DCDC2C: variants seen among roughly 807,000 people sequenced by gnomAD.
DCDC2C encodes doublecortin domain-containing protein 2C.
A neutral mutation model predicts 45.0 loss-of-function variants in DCDC2C; 44 were observed. The ratio of observed to expected loss-of-function variants is 0.98; its 90% confidence interval spans 0.77 to 1.26. DCDC2C has a LOEUF of 1.26. Among genes scored for constraint, DCDC2C ranks in the 50% most tolerant of loss-of-function variants. The probability of loss-of-function intolerance (pLI) is 0.00; values close to 1 mark genes in which losing one functional copy is unlikely to be tolerated. For synonymous variants in DCDC2C, 187 were observed against 178.8 expected (o/e 1.05, Z -0.37); for missense variants, 447 against 468.9 (o/e 0.95, Z 0.43).
In DCDC2C at chr2:3,788,927, G is replaced by A. The variant is rs376908509; in HGVS notation, c.1065+3827G>A. On this transcript the variant is annotated intron_variant, in intron 10 of 10. Transcript: ENST00000399143. ...TCTCCCTCTGTCACCTGCAAGCTCC[G>A]CCTCCCACGTTCAAAAGATCTCATG... is the stretch of plus-strand genomic sequence containing the variant. 6.3e-5 allele frequency among the ~76,000 whole-genome samples: 9 copies of A among 142,224 alleles called. No homozygotes were observed. In the South Asian group the frequency reaches 1.2e-3, roughly 19 times the overall value. The allele number at this position is 142,224 out of a possible 152,430, so 93.3% of individuals were successfully genotyped here. A position where few individuals can be genotyped will look rare whatever the true frequency, so the allele number is the denominator to read the frequency against.
At chr2:3,774,570 C>T (rs964811695) in intron 8 of DCDC2C, among the ~76,000 whole-genome samples, 4 of 152,114 alleles carry the variant, frequency 2.6e-5, no homozygotes, top group Non-Finnish European at 4.4e-5. Context: ...AGAGACTGCA[C>T]CGTTTAAACG....
intron 10 of DCDC2C, among the ~76,000 whole-genome samples, chr2:3,797,604 T>C (rs1670995640): frequency 6.8e-6 from 1 of 147,428 alleles, no homozygotes. Flanking sequence ...AACATCTTTA[T>C]TTCTGCCTTC....
chr2:3,798,946 G>C (rs1449369565), intron 10 of DCDC2C, among the ~76,000 whole-genome samples: 1 of 152,142 alleles, frequency 6.6e-6, no homozygotes, highest in Non-Finnish European at 1.5e-5. Context: ...AGTTCTCCTG[G>C]ATAATATCCT....
chr2:3,840,765 G>A (rs367755377), intron 10 of DCDC2C, among the ~76,000 whole-genome samples: 1 of 152,218 alleles, frequency 6.6e-6, no homozygotes, highest in South Asian at 2.1e-4. Flanking sequence ...TATGACCAGT[G>A]CTCACTCACG....
chr2:3,841,728 G>A (rs1034873739), intron 10 of DCDC2C, among the ~76,000 whole-genome samples: 3 of 151,340 alleles, frequency 2.0e-5, no homozygotes, highest in Admixed American at 6.6e-5. Context: ...CGGCGTGAGC[G>A]GCCGGGCAGG....
intron 2 of DCDC2C, 124 bp from the exon 3 acceptor site, chr2:3,726,879 G>A (rs1668704174): frequency 3.7e-6 from 3 of 806,872 alleles, no homozygotes; most frequent in South Asian, 3.4e-5. Context: ...GCCCCTGGGT[G>A]TTCTATTGAC....
At chr2:3,786,772 C>T (rs1670665850) in intron 10 of DCDC2C, among the ~76,000 whole-genome samples, 1 of 152,230 alleles carries the variant, frequency 6.6e-6, no homozygotes, top group African/African-American at 2.4e-5. Context: ...GCGCTAAATT[C>T]CTGTTTTAGC....
At chr2:3,760,044 T>C (rs1162943301) in intron 6 of DCDC2C, among the ~76,000 whole-genome samples, 2 of 152,184 alleles carry the variant, frequency 1.3e-5, no homozygotes, top group Non-Finnish European at 2.9e-5. Flanking sequence ...CTTCTGTGGG[T>C]CTCAGGGAAT....
intron 10 of DCDC2C, among the ~76,000 whole-genome samples, chr2:3,794,827 G>A (rs1414861720): frequency 2.6e-5 from 4 of 152,126 alleles, no homozygotes; most frequent in East Asian, 1.9e-4. Flanking sequence ...ATAAACATAC[G>A]TGTGCATGTG....
chr2:3,747,017 C>T (rs373790540), intron 4 of DCDC2C, among the ~76,000 whole-genome samples: 4 of 152,184 alleles, frequency 2.6e-5, no homozygotes, highest in African/African-American at 9.6e-5. Flanking sequence ...GTGAAACTTT[C>T]TGGAAAATGC....
intron 10 of DCDC2C, among the ~76,000 whole-genome samples, chr2:3,831,965 A>G (rs1306058423): frequency 6.6e-6 from 1 of 152,154 alleles, no homozygotes; most frequent in African/African-American, 2.4e-5. Flanking sequence ...TGAGTTCCCT[A>G]TGTCGGTTCT....
chr2:3,808,251 T>G (rs1039960260), intron 10 of DCDC2C, among the ~76,000 whole-genome samples: 1 of 152,244 alleles, frequency 6.6e-6, no homozygotes, highest in Non-Finnish European at 1.5e-5. Flanking sequence ...GTATTTCATT[T>G]GTGATTTTAC....
chr2:3,799,718 T>C (rs1671061827), intron 10 of DCDC2C, among the ~76,000 whole-genome samples: 1 of 152,274 alleles, frequency 6.6e-6, no homozygotes, highest in Admixed American at 6.5e-5. Context: ...GGAGGCAGTC[T>C]GCCCGTCCTC....
chr2:3,814,833 C>T (rs1437520273), intron 10 of DCDC2C, among the ~76,000 whole-genome samples: 2 of 152,284 alleles, frequency 1.3e-5, no homozygotes, highest in Non-Finnish European at 2.9e-5. Flanking sequence ...CAGACTGGCA[C>T]AGCCAGTGTG....
intron 10 of DCDC2C, among the ~76,000 whole-genome samples, chr2:3,787,922 A>G (rs1382928255): frequency 6.6e-6 from 1 of 152,214 alleles, no homozygotes; most frequent in African/African-American, 2.4e-5. Flanking sequence ...ATACTTCAGA[A>G]TATTGGTTTT....
intron 2 of DCDC2C, among the ~76,000 whole-genome samples, chr2:3,723,042 A>T (rs1472287839): frequency 6.6e-6 from 1 of 152,150 alleles, no homozygotes; most frequent in Admixed American, 6.5e-5. Flanking sequence ...GCAGGTGTGC[A>T]TTTCCACCTT....
intron 10 of DCDC2C, among the ~76,000 whole-genome samples, chr2:3,831,297 T>G (rs943509738): frequency 2.0e-5 from 3 of 152,220 alleles, no homozygotes; most frequent in Admixed American, 6.5e-5. Flanking sequence ...GAAATGCTCC[T>G]TTAGATGATT....
chr2:3,824,991 T>A (rs947284457), intron 10 of DCDC2C, among the ~76,000 whole-genome samples: 2 of 152,076 alleles, frequency 1.3e-5, no homozygotes, highest in Non-Finnish European at 2.9e-5. Flanking sequence ...CCACAGTGGG[T>A]CTTCATCAGT....
chr2:3,835,643 G>A (rs902286123), intron 10 of DCDC2C, among the ~76,000 whole-genome samples: 18 of 152,184 alleles, frequency 1.2e-4, no homozygotes, highest in Non-Finnish European at 2.4e-4. Context: ...TGAAACCATC[G>A]AGGTTTTAGT....
Sources: gnomAD v4.1 joint callset for allele counts (sites outside exome capture counted in the v4.1 genomes callset) on GRCh38, gnomAD v4.1.1 for gene constraint, MANE v1.5 for transcripts, NCBI Gene and HGNC (gene_info 2026-07-23, HGNC 2026-07-21) for gene names.